Variants in NCKAP5 observed in about 807,000 individuals in gnomAD.
NCKAP5 encodes nck-associated protein 5.
Under a neutral mutation model 167.0 loss-of-function variants are expected in NCKAP5, and 92 were observed. The observed-to-expected ratio is 0.55, with a 90% confidence interval of 0.47 to 0.66. NCKAP5 has a LOEUF of 0.66. Ranked by LOEUF, NCKAP5 falls within the 30% of genes least tolerant of loss-of-function variation. The probability of loss-of-function intolerance (pLI) is 0.00; values close to 1 mark genes in which losing one functional copy is unlikely to be tolerated. For missense variants in NCKAP5, 2,378 were observed against 2,315.0 expected, an observed-to-expected ratio of 1.03 and a Z score of -0.56; for synonymous variants, 891 against 877.4, an observed-to-expected ratio of 1.02 and a Z score of -0.27.
At chr2:133,245,183 C>A (rs1427977068) in intron 4 of NCKAP5, among the ~76,000 whole-genome samples, 3 of 152,062 alleles carry the variant, frequency 2.0e-5, no homozygotes, top group Non-Finnish European at 4.4e-5. Flanking sequence ...CTGTTCATAG[C>A]AGCACATTAC....
At chr2:133,566,272 T>A (rs1312471716) in intron 1 of NCKAP5, among the ~76,000 whole-genome samples, 1 of 152,182 alleles carries the variant, frequency 6.6e-6, no homozygotes, top group East Asian at 1.9e-4. Flanking sequence ...AAGCAAGCTG[T>A]GGCCATAAGA....
At chr2:133,011,704 T>C (rs1380984663) in intron 6 of NCKAP5, among the ~76,000 whole-genome samples, 1 of 152,180 alleles carries the variant, frequency 6.6e-6, no homozygotes, top group African/African-American at 2.4e-5. Flanking sequence ...AGCACATCAA[T>C]ACAGAAGAAG....
intron 3 of NCKAP5, among the ~76,000 whole-genome samples, chr2:133,377,151 C>G (rs769151427): frequency 1.9e-4 from 29 of 152,274 alleles, no homozygotes; most frequent in Non-Finnish European, 4.1e-4. Flanking sequence ...CTCTCTCATT[C>G]ATTTGTAGCC....
At chr2:132,801,248 G>T (rs1360280421) in intron 11 of NCKAP5, among the ~76,000 whole-genome samples, 1 of 152,104 alleles carries the variant, frequency 6.6e-6, no homozygotes, top group African/African-American at 2.4e-5. Context: ...GAAAAGAAAC[G>T]ACTTTTCTGG....
intron 19 of NCKAP5, among the ~76,000 whole-genome samples, chr2:132,686,868 A>C (rs1157858047): frequency 6.6e-6 from 1 of 152,224 alleles, no homozygotes. Context: ...TCTTCAAAAA[A>C]AATTTGATTA....
At chr2:133,133,783 G>A (rs930512122) in intron 5 of NCKAP5, among the ~76,000 whole-genome samples, 1 of 152,162 alleles carries the variant, frequency 6.6e-6, no homozygotes, top group Non-Finnish European at 1.5e-5. Context: ...GAACAATTCA[G>A]CAATAGTGGT....
intron 11 of NCKAP5, among the ~76,000 whole-genome samples, chr2:132,842,591 C>T (rs145089137): frequency 0.028 from 4,323 of 152,012 alleles, 197 homozygotes; most frequent in African/African-American, 0.1. Context: ...CTCACCCTGT[C>T]ACCCAGGCTG....
intron 5 of NCKAP5, among the ~76,000 whole-genome samples, chr2:133,188,980 A>C (rs1490538858): frequency 6.6e-6 from 1 of 152,210 alleles, no homozygotes; most frequent in Non-Finnish European, 1.5e-5. Flanking sequence ...TCTTCAAAAA[A>C]TCAATGAATC....
intron 4 of NCKAP5, among the ~76,000 whole-genome samples, chr2:133,261,746 T>C (rs530250761): frequency 2.0e-5 from 3 of 152,326 alleles, no homozygotes; most frequent in Admixed American, 1.3e-4. Context: ...AAGGAAAGAA[T>C]AGGTATCATC....
chr2:133,205,985 C>A (rs1389017108), intron 5 of NCKAP5, among the ~76,000 whole-genome samples: 1 of 152,134 alleles, frequency 6.6e-6, no homozygotes, highest in Non-Finnish European at 1.5e-5. Context: ...TCTACTTAGA[C>A]AATCATTACT....
At chr2:133,578,334 G>C in the NCKAP5 span, among the ~76,000 whole-genome samples, 1 of 152,180 alleles carries the variant, frequency 6.6e-6, no homozygotes, top group African/African-American at 2.4e-5. Flanking sequence ...GGCAAATTGT[G>C]CAGTCTTTAC....
chr2:132,752,386 A>G (rs908106840), intron 16 of NCKAP5, among the ~76,000 whole-genome samples: 1 of 152,218 alleles, frequency 6.6e-6, no homozygotes, highest in African/African-American at 2.4e-5. Flanking sequence ...AAAAGCATTG[A>G]GCTTTGTTCC....
chr2:132,778,157 A>G (rs746351505), intron 15 of NCKAP5, among the ~76,000 whole-genome samples: 2 of 152,056 alleles, frequency 1.3e-5, no homozygotes. Context: ...TTTCTAGGAG[A>G]TGCCTTTTCC....
intron 3 of NCKAP5, among the ~76,000 whole-genome samples, chr2:133,501,924 C>A (rs1441751515): frequency 2.0e-5 from 3 of 152,230 alleles, no homozygotes; most frequent in Non-Finnish European, 4.4e-5. Context: ...ATTCCTAAAT[C>A]ATGTGACAAG....
intron 9 of NCKAP5, 21 bp from the exon 10 acceptor site, chr2:132,868,995 G>A: frequency 4.0e-6 from 6 of 1,518,332 alleles, no homozygotes; most frequent in Non-Finnish European, 5.3e-6. Context: ...TAAAGAAAAA[G>A]TTGTCATTTA....
chr2:133,647,545 GAGGGAGGA>G, the NCKAP5 span, among the ~76,000 whole-genome samples: 2 of 113,776 alleles, frequency 1.8e-5, no homozygotes, highest in African/African-American at 7.4e-5. Context: ...AGGAGGGAGG[GAGGGAGGA>G]AGGGAGGGAA....
chr2:132,825,146 G>A (rs940553919), intron 11 of NCKAP5, among the ~76,000 whole-genome samples: 2 of 152,120 alleles, frequency 1.3e-5, no homozygotes, highest in Non-Finnish European at 2.9e-5. Flanking sequence ...CAGTTAAGTG[G>A]ACTTTAATTC....
intron 3 of NCKAP5, among the ~76,000 whole-genome samples, chr2:133,324,260 C>G (rs1022689651): frequency 6.6e-6 from 1 of 152,228 alleles, no homozygotes; most frequent in Admixed American, 6.5e-5. Flanking sequence ...CATAAACACC[C>G]CACATTGAGA....
chr2:132,902,873 C>T (rs2148917894), intron 8 of NCKAP5, among the ~76,000 whole-genome samples: 1 of 152,300 alleles, frequency 6.6e-6, no homozygotes, highest in South Asian at 2.1e-4. Context: ...TTTGTCACTT[C>T]CGCCAGATGT....
Sources: allele counts gnomAD v4.1 joint callset (sites outside exome capture counted in the v4.1 genomes callset), GRCh38; gene constraint gnomAD v4.1.1; transcripts MANE v1.5; gene names NCBI Gene and HGNC (gene_info 2026-07-23, HGNC 2026-07-21).